Variants in LAMP2 observed in about 807,000 individuals in gnomAD.
The protein encoded by LAMP2 is lysosome associated membrane protein 2.
In LAMP2, 4 loss-of-function variants were observed where a neutral mutation model predicts 25.6. That is an observed-to-expected ratio of 0.16 (90% CI 0.08 to 0.36). The LOEUF (loss-of-function observed/expected upper bound fraction) is 0.36, where lower values mean the gene tolerates loss of function less well. Ranked by LOEUF, LAMP2 falls within the 10% of genes least tolerant of loss-of-function variation. LAMP2 has a pLI of 1.00. For synonymous variants in LAMP2, 108 were observed against 112.7 expected (o/e 0.96, Z 0.27); for missense variants, 272 against 301.4 (o/e 0.90, Z 0.72).
chrX:120,443,967 C>T (rs780480733), intron 6 of LAMP2, among the ~76,000 whole-genome samples: 5 of 98,662 alleles, frequency 5.1e-5, no homozygotes, highest in Non-Finnish European at 8.0e-5. Flanking sequence ...GGCGACAAAG[C>T]GAGACTCTGT....
At chrX:120,438,588 T>C in intron 8 of LAMP2, 2 of 752,809 alleles carry the variant, frequency 2.7e-6, no homozygotes, top group South Asian at 1.3e-4. Context: ...CATTTATTGC[T>C]AAGAACATAA....
chrX:120,459,644 C>T (rs1602542293), intron 1 of LAMP2, among the ~76,000 whole-genome samples: 1 of 112,453 alleles, frequency 8.9e-6, no homozygotes, highest in African/African-American at 3.2e-5. Context: ...ACCCAATATA[C>T]CCCTTTAATA....
chrX:120,463,835 C>T (rs926456832), intron 1 of LAMP2, among the ~76,000 whole-genome samples: 2 of 107,414 alleles, frequency 1.9e-5, no homozygotes, highest in Non-Finnish European at 3.8e-5. Context: ...ATATCTATAA[C>T]CCTATCAGAT....
At position 120,431,137 on chromosome X, in the gene LAMP2, T is replaced by C; in HGVS notation, c.*186A>G. 9.2e-7 allele frequency: 1 copy of C among 1,084,298 alleles called. No homozygotes were observed. The highest frequency in any genetic ancestry group is 2.3e-5 in the South Asian group (1 of 44,227). The allele number at this position is 1,084,298 out of a possible 1,213,427, so 89.4% of individuals were successfully genotyped here. ...CTCCAGGACCAGTAAATATGACACT[T>C]TGGATTTTAAGCTGATTAAAGAGAA... On this transcript the variant is annotated 3_prime_UTR_variant, in exon 9 of 9. Transcript: ENST00000200639.
chrX:120,464,130 A>G (rs766664857), intron 1 of LAMP2, among the ~76,000 whole-genome samples: 1 of 111,258 alleles, frequency 9.0e-6, no homozygotes. Context: ...CTAATTCTCC[A>G]TATTACCCCC....
Position 120,428,565 on chromosome X carries a change from G to A in LAMP2, c.*2758C>T. 2 of 1,198,731 alleles carry A rather than the reference G, an allele frequency of 1.7e-6. No individual in the cohort carries two copies. Among genetic ancestry groups the A allele is most frequent in the Non-Finnish European group, 2.2e-6 (2 of 889,799 alleles). On this transcript the variant is annotated 3_prime_UTR_variant, in exon 9 of 9. Transcript: ENST00000200639. ...AGACAACAATTATAAGGAAGCCCAAGGCCACACCCACTGCAACAGGAATAA... is the reference window on the plus strand; with the variant it reads ...AGACAACAATTATAAGGAAGCCCAAAGCCACACCCACTGCAACAGGAATAA...
At chrX:120,467,914 C>T (rs1331762598) in intron 1 of LAMP2, among the ~76,000 whole-genome samples, 3 of 111,693 alleles carry the variant, frequency 2.7e-5, no homozygotes, top group African/African-American at 9.8e-5. Context: ...AGGCATGTGC[C>T]ACGACGCCCG....
chrX:120,459,500 G>A (rs1463479916), intron 1 of LAMP2, among the ~76,000 whole-genome samples: 2 of 112,317 alleles, frequency 1.8e-5, no homozygotes, highest in African/African-American at 6.5e-5. Context: ...CAAGCTCCCA[G>A]GCAACAAGGC....
At chrX:120,467,782 G>A (rs1277018714) in intron 1 of LAMP2, among the ~76,000 whole-genome samples, 1 of 111,868 alleles carries the variant, frequency 8.9e-6, no homozygotes, top group Admixed American at 9.5e-5. Context: ...TATTTTTTGA[G>A]ACAGAGTTTC....
rs1602526365 is a variant in LAMP2, at chrX:120,430,306, G to A, written c.*1017C>T. On this transcript the variant is annotated 3_prime_UTR_variant, in exon 9 of 9. Coordinates refer to ENST00000200639, the MANE Select transcript of LAMP2 (RefSeq NM_002294.3). The stretch of plus-strand genomic sequence containing the variant: ...AGCTTCTCTTTACACCCCCATCTAT[G>A]CACTGCCCCACAGGGGCCATCTTGA... The A allele has an allele frequency of 1.3e-6, 1 of 754,050 alleles. No homozygotes were observed. The highest frequency in any genetic ancestry group is 6.7e-5 in the South Asian group (1 of 14,879). 62.1% of individuals were successfully genotyped at this position (754,050 alleles called of 1,213,427 possible).
rs144511538 is a variant in LAMP2, at chrX:120,452,497, G to C, written c.397+2860C>G. On this transcript the variant is annotated intron_variant, in intron 3 of 8. Coordinates refer to ENST00000200639, the MANE Select transcript of LAMP2 (RefSeq NM_002294.3). ...TTCCTTTATCACTCCTCCTAATCAG[G>C]ACCACTTGTGGGAACACGGGAACAC... Among the ~76,000 whole-genome samples the C allele has an allele frequency of 4.5e-5, 5 of 110,879 alleles. No homozygotes were observed. In the East Asian group the frequency reaches 1.4e-3, roughly 31 times the overall value.
rs2058561915 is a variant in LAMP2 at position 120,439,473 on chromosome X, TCTAAGA to T, written c.1093+2251_1093+2256del. Among the ~76,000 whole-genome samples, 7 of 108,583 alleles carry T rather than the reference TCTAAGA, an allele frequency of 6.4e-5. No homozygotes were observed. The South Asian group carries it at 2.6e-3, about 41-fold the overall frequency. The allele number at this position is 108,583 out of a possible 115,157, so 94.3% of individuals were successfully genotyped here. On this transcript the variant is annotated intron_variant, in intron 8 of 8. Transcript: ENST00000200639. ...TGGAGAACTGTTCTAGAATTAAAAT[TCTAAGA>T]CTTTCTTTGTCCTTTCATTTGTTTA...
chrX:120,428,935 C>T lies in LAMP2; in HGVS notation c.*2388G>A, dbSNP rs1313448425. 1.9e-5 allele frequency: 14 copies of T among 741,109 alleles called. No homozygotes were observed. The highest frequency in any genetic ancestry group is 2.1e-5 in the Non-Finnish European group (13 of 630,106). 61.1% of individuals were successfully genotyped at this position (741,109 alleles called of 1,213,427 possible). A position where few individuals can be genotyped will look rare whatever the true frequency, so the allele number is the denominator to read the frequency against. On this transcript the variant is annotated 3_prime_UTR_variant, in exon 9 of 9. Transcript: ENST00000200639. ...CACTGGGTTAAGGAGCCATCATCTA[C>T]ACTTAAAACCACTGCCTGTGTATTT... is the stretch of plus-strand genomic sequence containing the variant.
rs1389561037 is a variant in LAMP2 at position 120,431,315 on chromosome X, T to A, written c.*8A>T. The stretch of plus-strand genomic sequence containing the variant: ...TGTATTTTTATATAATCAATCAGGT[T>A]GCAGATTCTAAAATTGCTCATATCC... On this transcript the variant is annotated 3_prime_UTR_variant, in exon 9 of 9. Transcript: ENST00000200639. 2 of 1,209,343 alleles carry A rather than the reference T, an allele frequency of 1.7e-6. No individual in the cohort carries two copies. The highest frequency in any genetic ancestry group is 3.5e-5 in the African/African-American group (2 of 57,364).
chrX:120,440,021 CAT>C (rs1204227398), intron 8 of LAMP2, among the ~76,000 whole-genome samples: 1 of 111,584 alleles, frequency 9.0e-6, no homozygotes, highest in Non-Finnish European at 1.9e-5. Context: ...TTTTGTGACA[CAT>C]GAGAGCATAT....
chrX:120,443,938 G>C (rs1159546109), intron 6 of LAMP2, among the ~76,000 whole-genome samples: 1 of 108,318 alleles, frequency 9.2e-6, no homozygotes, highest in African/African-American at 3.4e-5. Context: ...CTGAGGTCTC[G>C]CTACTGCACT....
chrX:120,461,917 A>G (rs1921327760), intron 1 of LAMP2, among the ~76,000 whole-genome samples: 1 of 112,031 alleles, frequency 8.9e-6, no homozygotes, highest in Non-Finnish European at 1.9e-5. Context: ...AAATTTTGAC[A>G]TGGATGTCAA....
intron 8 of LAMP2, among the ~76,000 whole-genome samples, chrX:120,432,844 T>C (rs7065722): frequency 0.033 from 3,599 of 109,136 alleles, 145 homozygotes; most frequent in African/African-American, 0.1. Flanking sequence ...CCTGTAGTCC[T>C]AGCTACTTGG....
intron 3 of LAMP2, among the ~76,000 whole-genome samples, chrX:120,453,739 C>T (rs1389802163): frequency 8.9e-6 from 1 of 111,948 alleles, no homozygotes; most frequent in African/African-American, 3.2e-5. Context: ...ACCTGGGAGG[C>T]GGAGGTTGCA....
Sources: allele counts gnomAD v4.1 joint callset (sites outside exome capture counted in the v4.1 genomes callset), GRCh38; gene constraint gnomAD v4.1.1; transcripts MANE v1.5; gene names NCBI Gene and HGNC (gene_info 2026-07-23, HGNC 2026-07-21).